Variants in GABRB2 observed in about 807,000 individuals in gnomAD.
The protein encoded by GABRB2 is gamma-aminobutyric acid type A receptor subunit beta2.
Under a neutral mutation model 54.7 loss-of-function variants are expected in GABRB2, and 16 were observed. That is an observed-to-expected ratio of 0.29 (90% CI 0.20 to 0.44). The LOEUF (loss-of-function observed/expected upper bound fraction) is 0.44. GABRB2 is among the 20% of genes least tolerant of loss of function. The pLI, the probability that GABRB2 is intolerant of heterozygous loss-of-function variation, is 1.00. For missense variants in GABRB2, 355 were observed against 644.0 expected (o/e 0.55, Z 4.86); for synonymous variants, 244 against 233.8 (o/e 1.04, Z -0.40).
intron 4 of GABRB2, among the ~76,000 whole-genome samples, chr5:161,413,917 A>G (rs1756591229): frequency 2.6e-5 from 4 of 152,214 alleles, no homozygotes; most frequent in Admixed American, 2.6e-4. Context: ...GTTCACGGCA[A>G]CTAGCATCCG....
At chr5:161,490,047 A>AG (rs1347417913) in intron 3 of GABRB2, among the ~76,000 whole-genome samples, 1 of 151,672 alleles carries the variant, frequency 6.6e-6, no homozygotes, top group Non-Finnish European at 1.5e-5. Flanking sequence ...TAGACTTCAG[A>AG]GAAAAAAAAA....
intron 8 of GABRB2, among the ~76,000 whole-genome samples, chr5:161,327,992 G>C (rs567963263): frequency 4.6e-5 from 7 of 152,150 alleles, no homozygotes; most frequent in Non-Finnish European, 8.8e-5. Flanking sequence ...AACCTTTCAT[G>C]CTGGGTGAAC....
At chr5:161,450,673 A>G (rs115089282) in intron 4 of GABRB2, among the ~76,000 whole-genome samples, 2,700 of 152,294 alleles carry the variant, frequency 0.018, 36 homozygotes, top group Middle Eastern at 0.075. Flanking sequence ...TGTTAGGCAC[A>G]ATTACTTCCC....
chr5:161,498,268 C>T (rs1255476634), intron 3 of GABRB2, among the ~76,000 whole-genome samples: 1 of 151,982 alleles, frequency 6.6e-6, no homozygotes, highest in African/African-American at 2.4e-5. Flanking sequence ...TCACGTAATG[C>T]TTCACATTAA....
chr5:161,441,394 C>T (rs943400227), intron 4 of GABRB2, among the ~76,000 whole-genome samples: 3 of 152,088 alleles, frequency 2.0e-5, no homozygotes, highest in Non-Finnish European at 4.4e-5. Context: ...CAATTCAAAA[C>T]TACAATAAGG....
At chr5:161,436,367 C>T (rs1757308145) in intron 4 of GABRB2, among the ~76,000 whole-genome samples, 1 of 151,930 alleles carries the variant, frequency 6.6e-6, no homozygotes, top group African/African-American at 2.4e-5. Context: ...CCCATCTCTA[C>T]TAAAAATACA....
chr5:161,315,418 G>C (rs1041802505), intron 9 of GABRB2, among the ~76,000 whole-genome samples: 1 of 152,062 alleles, frequency 6.6e-6, no homozygotes, highest in Admixed American at 6.5e-5. Flanking sequence ...CTGGGAGCAT[G>C]TTTCATCAAT....
At chr5:161,501,296 TAA>T (rs139554405) in intron 3 of GABRB2, among the ~76,000 whole-genome samples, 2 of 149,472 alleles carry the variant, frequency 1.3e-5, no homozygotes, top group South Asian at 2.1e-4. Flanking sequence ...AAGTCTTTGT[TAA>T]AAAAAAAAGT....
At position 161,294,046 on chromosome 5, in the gene GABRB2, G is replaced by A. The variant is rs193057695; in HGVS notation, c.*35C>T. ...CAGGCTGTACAACTGGTTTGAGGAG[G>A]AATCTAGTCCTTGCTTCCAGTGGGA... On this transcript the variant is annotated 3_prime_UTR_variant, in exon 10 of 10. Transcript: ENST00000393959. 2.0e-6 allele frequency: 3 copies of A among 1,507,860 alleles called. No individual in the cohort carries two copies. The African/African-American group carries it at 4.1e-5, about 21-fold the overall frequency. The allele number at this position is 1,507,860 out of a possible 1,614,324, so 93.4% of individuals were successfully genotyped here. A position where few individuals can be genotyped will look rare whatever the true frequency, so the allele number is the denominator to read the frequency against.
At chr5:161,472,874 T>C (rs2113302104) in intron 3 of GABRB2, among the ~76,000 whole-genome samples, 1 of 151,930 alleles carries the variant, frequency 6.6e-6, no homozygotes, top group South Asian at 2.1e-4. Context: ...AACACTTGGG[T>C]TGAACCATTA....
At chr5:161,344,355 G>A (rs552680285) in intron 5 of GABRB2, among the ~76,000 whole-genome samples, 111 of 152,126 alleles carry the variant, frequency 7.3e-4, no homozygotes, top group African/African-American at 2.4e-3. Flanking sequence ...TTGTAGTCAC[G>A]CTAGTTTTGT....
chr5:161,451,584 A>T (rs1005805225), intron 4 of GABRB2, among the ~76,000 whole-genome samples: 2 of 152,210 alleles, frequency 1.3e-5, no homozygotes, highest in African/African-American at 4.8e-5. Context: ...TTTAAATAAT[A>T]GTCCTGCATT....
Position 161,419,949 on chromosome 5 carries a change from T to G in GABRB2, c.459-8892A>C, listed in dbSNP as rs151035538. ...ACATAAGAAACCTGATCATGTAACC[T>G]CTGAATCTATAAAAATAAAAATAAA... On this transcript the variant is annotated intron_variant, in intron 4 of 9. Coordinates refer to ENST00000393959, the MANE Select transcript of GABRB2 (RefSeq NM_001371727.1). 2.9e-3 allele frequency among the ~76,000 whole-genome samples: 443 copies of G among 152,212 alleles called. 6 individuals are homozygous for G. The highest frequency in any genetic ancestry group is 0.011 in the Admixed American group (173 of 15,284).
chr5:161,355,924 C>T (rs951233645), intron 5 of GABRB2, among the ~76,000 whole-genome samples: 10 of 152,104 alleles, frequency 6.6e-5, no homozygotes, highest in Admixed American at 2.0e-4. Flanking sequence ...ATATCTTACT[C>T]AAGAACCAAC....
At chr5:161,328,818 A>G (rs1422376106) in intron 8 of GABRB2, among the ~76,000 whole-genome samples, 5 of 152,186 alleles carry the variant, frequency 3.3e-5, no homozygotes, top group African/African-American at 9.6e-5. Context: ...ACCTCATCCT[A>G]TAGTTTTTAC....
intron 5 of GABRB2, among the ~76,000 whole-genome samples, chr5:161,378,477 G>A (rs147174000): frequency 5.8e-4 from 89 of 152,188 alleles, no homozygotes; most frequent in Middle Eastern, 6.8e-3. Flanking sequence ...GGTCACACAT[G>A]TTTGGCTTCA....
At chr5:161,417,525 A>C (rs189545040) in intron 4 of GABRB2, among the ~76,000 whole-genome samples, 11 of 152,282 alleles carry the variant, frequency 7.2e-5, no homozygotes, top group Admixed American at 5.2e-4. Flanking sequence ...GAACTTGGTA[A>C]AGTCATTTAG....
At position 161,423,581 on chromosome 5, in the gene GABRB2, A is replaced by G. The variant is rs79247468; in HGVS notation, c.459-12524T>C. Among the ~76,000 whole-genome samples, 295 of 152,278 alleles carry G rather than the reference A, an allele frequency of 1.9e-3. 3 individuals carry two copies. The highest frequency in any genetic ancestry group is 5.9e-3 in the African/African-American group (246 of 41,550). ...TTGGGGAGCCACGAAGCATGTCCAT[A>G]TAAGACAGTGAACTTAATAGAATGT... On this transcript the variant is annotated intron_variant, in intron 4 of 9. Coordinates refer to ENST00000393959, the MANE Select transcript of GABRB2 (RefSeq NM_001371727.1).
intron 5 of GABRB2, among the ~76,000 whole-genome samples, chr5:161,359,903 A>G (rs1754753941): frequency 6.6e-6 from 1 of 152,160 alleles, no homozygotes; most frequent in African/African-American, 2.4e-5. Context: ...CAACATGGTG[A>G]AACCCCATGT....
Sources: allele counts gnomAD v4.1 joint callset (sites outside exome capture counted in the v4.1 genomes callset), GRCh38; gene constraint gnomAD v4.1.1; transcripts MANE v1.5; gene names NCBI Gene and HGNC (gene_info 2026-07-23, HGNC 2026-07-21).